The following GRID2 variants were observed in gnomAD, a reference collection of about 807,000 sequenced individuals.
The protein encoded by GRID2 is glutamate ionotropic receptor delta type subunit 2.
GRID2 carries 33 observed loss-of-function variants against 114.8 expected under a neutral mutation model. The observed-to-expected ratio is 0.29, with a 90% confidence interval of 0.22 to 0.38. The LOEUF is 0.38. Among genes scored for constraint, GRID2 ranks in the 10% least tolerant of loss-of-function variants. GRID2 has a pLI of 1.00. For synonymous variants in GRID2, 505 were observed against 449.9 expected, an observed-to-expected ratio of 1.12 and a Z score of -1.55; for missense variants, 1,184 against 1,257.7, an observed-to-expected ratio of 0.94 and a Z score of 0.89.
chr4:92,854,039 G>A (rs1744010179), intron 2 of GRID2, among the ~76,000 whole-genome samples: 1 of 151,154 alleles, frequency 6.6e-6, no homozygotes, highest in East Asian at 1.9e-4. Context: ...GAACAGATCT[G>A]TGGTGCAATG....
intron 6 of GRID2, among the ~76,000 whole-genome samples, chr4:93,220,505 G>A (rs551871080): frequency 4.8e-4 from 73 of 152,154 alleles, no homozygotes; most frequent in South Asian, 1.0e-3. Flanking sequence ...TAACATTTGT[G>A]TATATACAAT....
chr4:92,335,354 C>T (rs547297482), intron 1 of GRID2, among the ~76,000 whole-genome samples: 42 of 152,166 alleles, frequency 2.8e-4, no homozygotes, highest in Non-Finnish European at 4.6e-4. Flanking sequence ...CATAAAAGAT[C>T]TTGGTATTCT....
chr4:93,042,291 CTCTCTCTCTA>C (rs1233837608), intron 2 of GRID2, among the ~76,000 whole-genome samples: 80 of 86,566 alleles, frequency 9.2e-4, no homozygotes, highest in Middle Eastern at 6.9e-3. Flanking sequence ...CTCTCTCTCT[CTCTCTCTCTA>C]TATATATATA....
intron 2 of GRID2, among the ~76,000 whole-genome samples, chr4:92,684,762 G>A (rs182198042): frequency 2.0e-5 from 3 of 152,160 alleles, no homozygotes; most frequent in Non-Finnish European, 4.4e-5. Context: ...CGTATATAAT[G>A]AAGCCAAGGA....
chr4:92,647,047 G>A (rs1731678881), intron 2 of GRID2, among the ~76,000 whole-genome samples: 1 of 152,210 alleles, frequency 6.6e-6, no homozygotes, highest in Admixed American at 6.5e-5. Flanking sequence ...CACAACAAAT[G>A]TACAATGATC....
intron 1 of GRID2, among the ~76,000 whole-genome samples, chr4:92,384,532 TATAATATAA>T (rs1729800948): frequency 4.3e-5 from 2 of 46,520 alleles, no homozygotes; most frequent in African/African-American, 1.5e-4. Flanking sequence ...TAATATAATA[TATAATATAA>T]TATATAATAT....
intron 13 of GRID2, among the ~76,000 whole-genome samples, chr4:93,567,253 C>T (rs1444571261): frequency 6.6e-6 from 1 of 152,176 alleles, no homozygotes; most frequent in African/African-American, 2.4e-5. Flanking sequence ...TTATTTCCCC[C>T]CACATTCCTA....
intron 2 of GRID2, among the ~76,000 whole-genome samples, chr4:92,631,160 A>G (rs549314290): frequency 1.3e-5 from 2 of 152,290 alleles, no homozygotes; most frequent in Middle Eastern, 3.4e-3. Context: ...TCAACATAAT[A>G]AAAATCATGC....
intron 2 of GRID2, among the ~76,000 whole-genome samples, chr4:92,717,380 A>C (rs891124334): frequency 6.6e-6 from 1 of 152,198 alleles, no homozygotes; most frequent in African/African-American, 2.4e-5. Context: ...GTTAAGCAAT[A>C]ATGACAGAAA....
chr4:92,668,847 A>G (rs2149274610), intron 2 of GRID2, among the ~76,000 whole-genome samples: 1 of 152,042 alleles, frequency 6.6e-6, no homozygotes, highest in East Asian at 1.9e-4. Flanking sequence ...AGTATTTATA[A>G]TTAACATATT....
chr4:93,629,712 G>C (rs928476322), intron 14 of GRID2, among the ~76,000 whole-genome samples: 2 of 151,658 alleles, frequency 1.3e-5, no homozygotes, highest in Non-Finnish European at 1.5e-5. Flanking sequence ...TTACTTTTCA[G>C]GTGACTATAT....
At chr4:93,218,232 T>C (rs563177914) in intron 6 of GRID2, among the ~76,000 whole-genome samples, 103 of 152,004 alleles carry the variant, frequency 6.8e-4, no homozygotes, top group Non-Finnish European at 1.2e-3. Context: ...CCAGGTGCAG[T>C]GGCTACACCT....
rs1216357215 is a variant in GRID2 at position 92,838,306 on chromosome 4, A to C, written c.245-246689A>C. On this transcript the variant is annotated intron_variant, in intron 2 of 15. Coordinates refer to ENST00000282020, the MANE Select transcript of GRID2 (RefSeq NM_001510.4). ...ATGTGTGACATGTGAATTTTGATAT[A>C]ATATTTATAAATATTTTAGTAGTTA... 2.0e-5 allele frequency among the ~76,000 whole-genome samples: 3 copies of C among 152,116 alleles called. No individual in the cohort carries two copies. The East Asian group carries it at 5.8e-4, about 29-fold the overall frequency.
intron 4 of GRID2, among the ~76,000 whole-genome samples, chr4:93,160,056 A>T (rs1056303461): frequency 9.9e-5 from 15 of 151,810 alleles, no homozygotes; most frequent in Middle Eastern, 3.2e-3. Context: ...TCTATCTGTA[A>T]CTCAAAGGAT....
intron 10 of GRID2, among the ~76,000 whole-genome samples, chr4:93,442,807 C>T (rs1299257600): frequency 2.0e-5 from 3 of 152,050 alleles, no homozygotes; most frequent in Non-Finnish European, 4.4e-5. Context: ...CCTCACAATG[C>T]CTTCAGCATT....
chr4:92,368,876 T>C (rs747958402), intron 1 of GRID2, among the ~76,000 whole-genome samples: 2 of 151,446 alleles, frequency 1.3e-5, no homozygotes, highest in South Asian at 4.2e-4. Flanking sequence ...TCAGTGGAAC[T>C]GACACTTATG....
intron 14 of GRID2, among the ~76,000 whole-genome samples, chr4:93,627,629 T>A (rs1024627943): frequency 6.6e-6 from 1 of 152,230 alleles, no homozygotes; most frequent in Admixed American, 6.5e-5. Context: ...ACTGCAGTCC[T>A]ACTCTGTGCA....
chr4:93,422,782 T>C lies in GRID2; in HGVS notation c.1359T>C (p.Phe453=), dbSNP rs778746835. The C allele has an allele frequency of 5.6e-6, 9 of 1,611,380 alleles. No individual in the cohort carries two copies. The highest frequency in any genetic ancestry group is 1.1e-5 in the South Asian group (1 of 91,028). ...TTATTTCCATGTAGGAAGAACCTTT[T>C]GTGATGGTCTCTGAAAATGTCTTGG... ...LRVVTVLEEP[F]VMVSENVLGK... The change falls in exon 10 of 16, where the codon TTT becomes TTC. Residue 453 remains phenylalanine (F), a synonymous_variant. Coordinates refer to ENST00000282020, the MANE Select transcript of GRID2 (RefSeq NM_001510.4).
intron 8 of GRID2, among the ~76,000 whole-genome samples, chr4:93,388,390 G>A (rs1451428459): frequency 1.3e-5 from 2 of 152,126 alleles, no homozygotes; most frequent in Admixed American, 1.3e-4. Flanking sequence ...CATTGGCATG[G>A]GGTGTGGCTT....
Sources: allele counts gnomAD v4.1 joint callset (sites outside exome capture counted in the v4.1 genomes callset), GRCh38; gene constraint gnomAD v4.1.1; transcripts MANE v1.5; gene names NCBI Gene and HGNC (gene_info 2026-07-23, HGNC 2026-07-21).